AOPEP: variants seen among roughly 807,000 people sequenced by gnomAD.
AOPEP encodes the protein aminopeptidase O.
In AOPEP, 77 loss-of-function variants were observed where a neutral mutation model predicts 98.1. That is an observed-to-expected ratio of 0.78 (90% CI 0.65 to 0.95). The LOEUF is 0.95. Among genes scored for constraint, AOPEP ranks in the 40% least tolerant of loss-of-function variants. The pLI is 0.00. For missense variants in AOPEP, 1,024 were observed against 1,024.7 expected, an observed-to-expected ratio of 1.00 and a Z score of 0.01; for synonymous variants, 346 against 365.3, an observed-to-expected ratio of 0.95 and a Z score of 0.60.
chr9:94,997,302 A>ACCAG (rs1257746134), intron 11 of AOPEP, among the ~76,000 whole-genome samples: 1 of 152,168 alleles, frequency 6.6e-6, no homozygotes, highest in Non-Finnish European at 1.5e-5. Context: ...GGTTTGGACC[A>ACCAG]CCAGCCCATC....
intron 13 of AOPEP, among the ~76,000 whole-genome samples, chr9:95,050,904 ATAAT>A (rs1464694998): frequency 7.9e-5 from 12 of 152,214 alleles, no homozygotes; most frequent in African/African-American, 2.9e-4. Context: ...AAGAGTGAAA[ATAAT>A]TTATAAATTA....
chr9:94,738,817 G>A (rs1278275038), intron 1 of AOPEP, among the ~76,000 whole-genome samples: 3 of 151,928 alleles, frequency 2.0e-5, no homozygotes, highest in Admixed American at 6.6e-5. Context: ...TTCGTGATCC[G>A]CCCGCCTCAG....
At chr9:94,779,101 G>T (rs1277828433) in intron 3 of AOPEP, among the ~76,000 whole-genome samples, 1 of 152,144 alleles carries the variant, frequency 6.6e-6, no homozygotes, top group Non-Finnish European at 1.5e-5. Context: ...TGGATTAAAG[G>T]GGTTGGCAGA....
chr9:94,843,363 G>A (rs1230256575), intron 5 of AOPEP, among the ~76,000 whole-genome samples: 2 of 152,174 alleles, frequency 1.3e-5, no homozygotes, highest in African/African-American at 4.8e-5. Flanking sequence ...ATCACCTAGA[G>A]TGAGTTAATT....
At chr9:94,784,149 A>G (rs894586212) in intron 3 of AOPEP, among the ~76,000 whole-genome samples, 1 of 152,226 alleles carries the variant, frequency 6.6e-6, no homozygotes. Context: ...AACTTGGCAG[A>G]GCTATGATCT....
intron 13 of AOPEP, among the ~76,000 whole-genome samples, chr9:95,055,513 AG>A (rs2066744559): frequency 6.6e-6 from 1 of 152,166 alleles, no homozygotes; most frequent in Non-Finnish European, 1.5e-5. Flanking sequence ...AAGATGACTT[AG>A]TTTATAAGTT....
intron 5 of AOPEP, among the ~76,000 whole-genome samples, chr9:94,905,652 C>A (rs12684823): frequency 0.17 from 26,453 of 152,106 alleles, 2,847 homozygotes; most frequent in East Asian, 0.35. Context: ...CGCTTTTGCC[C>A]CAATCTTGTT....
intron 2 of AOPEP, among the ~76,000 whole-genome samples, chr9:94,771,907 A>T (rs1840974685): frequency 6.6e-6 from 1 of 151,304 alleles, no homozygotes; most frequent in Non-Finnish European, 1.5e-5. Flanking sequence ...TATCATTTAA[A>T]CTCATTCCCG....
intron 2 of AOPEP, among the ~76,000 whole-genome samples, chr9:94,770,420 T>G (rs1293743312): frequency 6.6e-6 from 1 of 152,190 alleles, no homozygotes; most frequent in Non-Finnish European, 1.5e-5. Flanking sequence ...TGTCTCTTGC[T>G]CAAAATATCT....
At chr9:94,933,550 A>C (rs2137161246) in intron 7 of AOPEP, 1 of 985,328 alleles carries the variant, frequency 1.0e-6, no homozygotes, top group Non-Finnish European at 1.2e-6. Context: ...AAATGCGAGC[A>C]TCTTTCCCTA....
chr9:95,072,592 C>G (rs1432043391), intron 14 of AOPEP, among the ~76,000 whole-genome samples: 1 of 152,056 alleles, frequency 6.6e-6, no homozygotes, highest in Non-Finnish European at 1.5e-5. Context: ...ATGATCATGC[C>G]ATTGCACTCC....
At chr9:94,869,970 AATTTTTTTTTT>A (rs1239666003) in intron 5 of AOPEP, among the ~76,000 whole-genome samples, 15 of 114,556 alleles carry the variant, frequency 1.3e-4, no homozygotes, top group African/African-American at 5.3e-4. Context: ...AGAAGCCATG[AATTTTTTTTTT>A]TTTTTTTTTT....
chr9:95,125,256 T>C, the AOPEP span: 2 of 1,260,368 alleles, frequency 1.6e-6, no homozygotes, highest in Non-Finnish European at 1.2e-6. Context: ...CTGCACTGTA[T>C]AAGGGAAAAG....
At chr9:94,895,501 G>A (rs1358942158) in intron 5 of AOPEP, among the ~76,000 whole-genome samples, 1 of 151,322 alleles carries the variant, frequency 6.6e-6, no homozygotes, top group Non-Finnish European at 1.5e-5. Flanking sequence ...AACAAGACAA[G>A]GTACCTACCA....
chr9:94,882,079 T>A (rs2047651957), intron 5 of AOPEP, among the ~76,000 whole-genome samples: 1 of 152,220 alleles, frequency 6.6e-6, no homozygotes, highest in African/African-American at 2.4e-5. Flanking sequence ...TAAGCTCAGC[T>A]TTAGAACATG....
At chr9:94,796,355 C>A (rs1396667353) in intron 4 of AOPEP, among the ~76,000 whole-genome samples, 1 of 152,194 alleles carries the variant, frequency 6.6e-6, no homozygotes, top group Non-Finnish European at 1.5e-5. Flanking sequence ...CCTGGCTGTG[C>A]ACTTCATGTG....
rs1230419348 is a variant in AOPEP at position 95,064,424 on chromosome 9, T to G, written c.2232+3614T>G. On this transcript the variant is annotated intron_variant, in intron 14 of 16. Transcript: ENST00000375315. Reference sequence around the variant, plus strand: ...GTTCTGCCTCAGCCTCCCGAGTAGCTGGATTACAGGTGCCCACCACCACGC... The same window carrying G: ...GTTCTGCCTCAGCCTCCCGAGTAGCGGGATTACAGGTGCCCACCACCACGC... Among the ~76,000 whole-genome samples the G allele has an allele frequency of 2.0e-5, 3 of 152,304 alleles. No individual in the cohort carries two copies. In the East Asian group the frequency reaches 5.8e-4, roughly 30 times the overall value.
intron 5 of AOPEP, among the ~76,000 whole-genome samples, chr9:94,838,801 G>C (rs933253155): frequency 6.6e-6 from 1 of 151,454 alleles, no homozygotes; most frequent in Non-Finnish European, 1.5e-5. Context: ...TTTCTCATCA[G>C]TGTTTTGTAA....
At chr9:95,077,787 T>C (rs890660332) in intron 14 of AOPEP, among the ~76,000 whole-genome samples, 4 of 152,204 alleles carry the variant, frequency 2.6e-5, no homozygotes, top group Admixed American at 6.5e-5. Flanking sequence ...GTGAGACTGA[T>C]GTCATCCCCA....
Sources: allele counts gnomAD v4.1 joint callset (sites outside exome capture counted in the v4.1 genomes callset), GRCh38; gene constraint gnomAD v4.1.1; transcripts MANE v1.5; gene names NCBI Gene and HGNC (gene_info 2026-07-23, HGNC 2026-07-21).